ADARB2: variants seen among roughly 807,000 people sequenced by gnomAD.
ADARB2 encodes the protein inactive double-stranded RNA-specific editase B2.
In ADARB2, 25 loss-of-function variants were observed where a neutral mutation model predicts 62.2. The observed-to-expected ratio is 0.40, with a 90% CI of 0.29 to 0.56. The LOEUF (loss-of-function observed/expected upper bound fraction) is 0.56. Ranked by LOEUF, ADARB2 falls within the 20% of genes least tolerant of loss-of-function variation. The pLI is 0.43. For synonymous variants in ADARB2, 572 were observed against 500.8 expected (o/e 1.14, Z -1.90); for missense variants, 1,071 against 1,077.4 (o/e 0.99, Z 0.08).
rs553989267 is a variant in ADARB2, at chr10:1,442,360, A to T, written c.101-63200T>A. 1.5e-3 allele frequency among the ~76,000 whole-genome samples: 224 copies of T among 152,318 alleles called. 3 individuals carry two copies. Among genetic ancestry groups the T allele is most frequent in the African/African-American group, 5.2e-3 (215 of 41,560 alleles). ...ATCACCCTGTGGAATTCATGTCTTC[A>T]CATTTTAATCTAAATTTTAAGTTTC... On this transcript the variant is annotated intron_variant, in intron 1 of 9. Transcript: ENST00000381312.
chr10:1,277,280 GAC>G (rs1403123104), intron 3 of ADARB2, among the ~76,000 whole-genome samples: 1 of 152,122 alleles, frequency 6.6e-6, no homozygotes, highest in African/African-American at 2.4e-5. Flanking sequence ...AGGAAATAGA[GAC>G]ACAAAAAACC....
At chr10:1,360,865 C>G (rs1289943032) in intron 3 of ADARB2, 1 of 152,670 alleles carries the variant, frequency 6.6e-6, no homozygotes, top group Admixed American at 6.5e-5. Context: ...GTAGTGCTGC[C>G]TGGTTTCTCC....
Position 1,674,378 on chromosome 10 carries a change from G to C in ADARB2, c.100+62673C>G, listed in dbSNP as rs569278340. On this transcript the variant is annotated intron_variant, in intron 1 of 9. Transcript: ENST00000381312. ...TGGCACTGGCTGCACTTGGCTTCCTGGACTTCCTTGGTCGGCATTTTGGAA... is the reference window on the plus strand; with the variant it reads ...TGGCACTGGCTGCACTTGGCTTCCTCGACTTCCTTGGTCGGCATTTTGGAA... Among the ~76,000 whole-genome samples, 3 of 152,286 alleles carry C rather than the reference G, an allele frequency of 2.0e-5. No individual in the cohort carries two copies. In the East Asian group the frequency reaches 5.8e-4, roughly 29 times the overall value.
intron 1 of ADARB2, among the ~76,000 whole-genome samples, chr10:1,504,152 C>T (rs1588280121): frequency 6.6e-6 from 1 of 152,170 alleles, no homozygotes; most frequent in South Asian, 2.1e-4. Context: ...TAAACTGGCT[C>T]CTTCACTTCC....
Position 1,669,237 on chromosome 10 carries a change from G to C in ADARB2, c.100+67814C>G, listed in dbSNP as rs1020139263. Among the ~76,000 whole-genome samples the C allele has an allele frequency of 2.0e-5, 3 of 152,164 alleles. No homozygotes were observed. In the South Asian group the frequency reaches 6.2e-4, roughly 32 times the overall value. Reference sequence around the variant, plus strand: ...CTCCACGAAGAGCTGTGCAGGGCTAGTGAGGCCTGAGGAGATGATACCACG... The same window carrying C: ...CTCCACGAAGAGCTGTGCAGGGCTACTGAGGCCTGAGGAGATGATACCACG... On this transcript the variant is annotated intron_variant, in intron 1 of 9. Transcript: ENST00000381312.
intron 1 of ADARB2, among the ~76,000 whole-genome samples, chr10:1,672,078 T>C (rs1388487207): frequency 1.3e-5 from 2 of 151,200 alleles, no homozygotes; most frequent in African/African-American, 4.9e-5. Context: ...TCCCCGAGAG[T>C]CAGTGTGTGA....
At chr10:1,353,284 A>G (rs1832162187) in intron 3 of ADARB2, among the ~76,000 whole-genome samples, 1 of 152,094 alleles carries the variant, frequency 6.6e-6, no homozygotes, top group Non-Finnish European at 1.5e-5. Flanking sequence ...CTCCCCAGCT[A>G]TCTCCACCAC....
intron 1 of ADARB2, among the ~76,000 whole-genome samples, chr10:1,646,011 G>A (rs574158690): frequency 2.2e-4 from 34 of 152,176 alleles, no homozygotes; most frequent in Non-Finnish European, 4.4e-4. Context: ...CCAGAGTGGT[G>A]TTAGGAGACG....
In ADARB2 at chr10:1,717,325, C is replaced by A. The variant is rs1835032286; in HGVS notation, c.100+19726G>T. Among the ~76,000 whole-genome samples the A allele has an allele frequency of 1.3e-5, 2 of 151,424 alleles. 1 individual carries two copies. The highest frequency in any genetic ancestry group is 4.2e-4 in the South Asian group (2 of 4,778). On this transcript the variant is annotated intron_variant, in intron 1 of 9. Transcript: ENST00000381312. ...TCTGAGTCGGGGAAGCCCTGGGGAC[C>A]CCAGGGCAGCTGGGCCTGTGTCAGT... is the stretch of plus-strand genomic sequence containing the variant.
intron 2 of ADARB2, among the ~76,000 whole-genome samples, chr10:1,370,414 C>A (rs1039774487): frequency 6.6e-6 from 1 of 152,184 alleles, no homozygotes; most frequent in African/African-American, 2.4e-5. Context: ...ACTCTCACTA[C>A]TTCTACTTAA....
chr10:1,355,899 A>G lies in ADARB2; in HGVS notation c.1077+7129T>C, dbSNP rs371458390. On this transcript the variant is annotated intron_variant, in intron 3 of 9. Coordinates refer to ENST00000381312, the MANE Select transcript of ADARB2 (RefSeq NM_018702.4). ...TCACAATTGTATATACATTTTATAC[A>G]TATGTTATAGAAATATATAGCATAC... Among the ~76,000 whole-genome samples the G allele has an allele frequency of 1.3e-3, 201 of 151,530 alleles. 2 individuals are homozygous for G. In the Middle Eastern group the frequency reaches 0.024, roughly 18 times the overall value.
At chr10:1,600,531 G>A (rs1208933113) in intron 1 of ADARB2, among the ~76,000 whole-genome samples, 1 of 151,920 alleles carries the variant, frequency 6.6e-6, no homozygotes, top group East Asian at 1.9e-4. Flanking sequence ...GCGTGGTGGT[G>A]CGCCCCTGTA....
At chr10:1,518,759 A>G (rs1181288984) in intron 1 of ADARB2, among the ~76,000 whole-genome samples, 2 of 151,926 alleles carry the variant, frequency 1.3e-5, no homozygotes, top group Admixed American at 6.6e-5. Context: ...CATTCCTTGT[A>G]ATGTCTGCAT....
rs781364873 is a variant in ADARB2 at position 1,363,729 on chromosome 10, G to T, written c.376C>A (p.Pro126Thr). 1 of 1,610,102 alleles carries T rather than the reference G, an allele frequency of 6.2e-7. No homozygotes were observed. The highest frequency in any genetic ancestry group is 8.5e-7 in the Non-Finnish European group (1 of 1,179,490). Residue 126 changes from proline to threonine, a missense_variant, in exon 3 of 10, where the codon CCC becomes ACC. Physicochemically the swap from Pro to Thr is conservative, Grantham distance 38. Transcript: ENST00000381312. The part of the protein sequence containing the change: ...VWKKLSWSVA[P>T]KNALVQLHEL... ...TGCAGCTGCACCAGCGCGTTCTTGG[G>T]CGCCACCGACCACGACAGCTTCTTC...
chr10:1,212,049 GTCC>G (rs1443220809), intron 7 of ADARB2, among the ~76,000 whole-genome samples: 1 of 152,164 alleles, frequency 6.6e-6, no homozygotes, highest in African/African-American at 2.4e-5. Context: ...GGCCACGTGT[GTCC>G]TCCTGCCGCT....
chr10:1,268,785 C>T (rs1831231646), intron 4 of ADARB2, among the ~76,000 whole-genome samples: 1 of 152,172 alleles, frequency 6.6e-6, no homozygotes, highest in Non-Finnish European at 1.5e-5. Context: ...ATTAGTGAAG[C>T]TCTACCTTAT....
intron 8 of ADARB2, among the ~76,000 whole-genome samples, chr10:1,186,055 G>A (rs945008648): frequency 1.3e-5 from 2 of 152,194 alleles, no homozygotes; most frequent in Admixed American, 6.5e-5. Flanking sequence ...GCCCTGTGAC[G>A]GCCTGAGGAT....
intron 1 of ADARB2, among the ~76,000 whole-genome samples, chr10:1,523,476 A>G (rs1414412009): frequency 1.3e-5 from 2 of 152,108 alleles, no homozygotes; most frequent in Admixed American, 6.5e-5. Flanking sequence ...CCACCCCCTC[A>G]CATTAGATTT....
intron 1 of ADARB2, among the ~76,000 whole-genome samples, chr10:1,659,637 G>A (rs1356889434): frequency 1.3e-5 from 2 of 152,238 alleles, no homozygotes; most frequent in Non-Finnish European, 1.5e-5. Flanking sequence ...CCAACTTTCA[G>A]AGCCTGGTGA....
Sources: gnomAD v4.1 joint callset for allele counts (sites outside exome capture counted in the v4.1 genomes callset) on GRCh38, gnomAD v4.1.1 for gene constraint, MANE v1.5 for transcripts, NCBI Gene and HGNC (gene_info 2026-07-23, HGNC 2026-07-21) for gene names.